Variants in HSD17B12 observed in about 807,000 individuals in gnomAD.
HSD17B12 encodes the protein very-long-chain 3-oxoacyl-CoA reductase.
Under a neutral mutation model 39.3 loss-of-function variants are expected in HSD17B12, and 32 were observed. The ratio of observed to expected loss-of-function variants is 0.81; its 90% CI spans 0.61 to 1.09. The LOEUF (loss-of-function observed/expected upper bound fraction) is 1.09, where lower values mean the gene tolerates loss of function less well. HSD17B12 is among the 50% of genes least tolerant of loss of function. HSD17B12 has a pLI of 0.00. For missense variants in HSD17B12, 342 were observed against 382.9 expected, an observed-to-expected ratio of 0.89 and a Z score of 0.89; for synonymous variants, 150 against 146.7, an observed-to-expected ratio of 1.02 and a Z score of -0.16.
intron 3 of HSD17B12, among the ~76,000 whole-genome samples, chr11:43,773,341 G>A (rs1053956580): frequency 2.0e-5 from 3 of 152,074 alleles, no homozygotes; most frequent in African/African-American, 4.8e-5. Flanking sequence ...ACTCCTGGGC[G>A]CAAGCAGGTC....
chr11:43,812,289 C>G (rs957795518), intron 4 of HSD17B12, among the ~76,000 whole-genome samples: 1 of 152,114 alleles, frequency 6.6e-6, no homozygotes, highest in Non-Finnish European at 1.5e-5. Context: ...TTTTGAGAAA[C>G]CTCCATACTG....
chr11:43,696,879 G>A (rs1039434649), intron 1 of HSD17B12, among the ~76,000 whole-genome samples: 1 of 152,106 alleles, frequency 6.6e-6, no homozygotes, highest in African/African-American at 2.4e-5. Flanking sequence ...GATGAAACTG[G>A]AAGTCATCAT....
the HSD17B12 span, among the ~76,000 whole-genome samples, chr11:43,630,905 A>G: frequency 6.6e-6 from 1 of 151,714 alleles, no homozygotes; most frequent in Non-Finnish European, 1.5e-5. Context: ...CCCAGGTTCA[A>G]GCAATTCTCC....
At chr11:43,803,736 CTA>C (rs1456273210) in intron 4 of HSD17B12, among the ~76,000 whole-genome samples, 1 of 152,074 alleles carries the variant, frequency 6.6e-6, no homozygotes, top group Non-Finnish European at 1.5e-5. Flanking sequence ...CTTGATGAGA[CTA>C]TAAATGCTTA....
intron 1 of HSD17B12, among the ~76,000 whole-genome samples, chr11:43,706,005 A>G (rs1565056281): frequency 2.0e-5 from 3 of 152,102 alleles, no homozygotes; most frequent in African/African-American, 4.8e-5. Flanking sequence ...TAAAATAGAA[A>G]TGGTGGGGAA....
At chr11:43,803,238 A>T in intron 4 of HSD17B12, among the ~76,000 whole-genome samples, 1 of 152,074 alleles carries the variant, frequency 6.6e-6, no homozygotes, top group Non-Finnish European at 1.5e-5. Context: ...GGGAGGTCTG[A>T]TGTGTATATG....
At chr11:43,687,699 G>C (rs751194602) in intron 1 of HSD17B12, among the ~76,000 whole-genome samples, 1 of 152,238 alleles carries the variant, frequency 6.6e-6, no homozygotes, top group Non-Finnish European at 1.5e-5. Flanking sequence ...GGCAAGAAGG[G>C]CAATGAGCAG....
the HSD17B12 span, among the ~76,000 whole-genome samples, chr11:43,610,038 G>A: frequency 1.1e-4 from 17 of 152,154 alleles, no homozygotes; most frequent in Non-Finnish European, 1.8e-4. Context: ...GGGGCGTCAC[G>A]TTTTCTAATA....
the HSD17B12 span, among the ~76,000 whole-genome samples, chr11:43,636,761 T>G: frequency 2.0e-5 from 3 of 152,106 alleles, no homozygotes; most frequent in East Asian, 5.8e-4. Context: ...GATATTCTTT[T>G]TGTTTGTTTG....
At chr11:43,672,836 C>T in the HSD17B12 span, among the ~76,000 whole-genome samples, 1 of 152,220 alleles carries the variant, frequency 6.6e-6, no homozygotes, top group Non-Finnish European at 1.5e-5. Context: ...TCGCCGCACC[C>T]TGGCCAATAA....
chr11:43,606,202 G>C, the HSD17B12 span, among the ~76,000 whole-genome samples: 1 of 152,250 alleles, frequency 6.6e-6, no homozygotes, highest in Non-Finnish European at 1.5e-5. Flanking sequence ...AATCTACTTA[G>C]TGAAGTTCTT....
chr11:43,714,263 C>T (rs899986624), intron 1 of HSD17B12, among the ~76,000 whole-genome samples: 2 of 151,488 alleles, frequency 1.3e-5, no homozygotes, highest in African/African-American at 2.4e-5. Flanking sequence ...TTAGGTCTAA[C>T]ATTTAAGTCT....
chr11:43,583,809 GC>G, the HSD17B12 span, among the ~76,000 whole-genome samples: 1 of 152,114 alleles, frequency 6.6e-6, no homozygotes, highest in African/African-American at 2.4e-5. Context: ...ACCTCTGGAG[GC>G]CCTATAGGAG....
At chr11:43,587,304 C>G in the HSD17B12 span, among the ~76,000 whole-genome samples, 1 of 116,412 alleles carries the variant, frequency 8.6e-6, no homozygotes, top group Non-Finnish European at 1.8e-5. Flanking sequence ...GGACCTTGTC[C>G]CCAGCAAAAA....
chr11:43,661,810 T>C, the HSD17B12 span, among the ~76,000 whole-genome samples: 1 of 152,180 alleles, frequency 6.6e-6, no homozygotes, highest in Admixed American at 6.6e-5. Flanking sequence ...TATCAAGCCA[T>C]TAAAAGTTAT....
intron 2 of HSD17B12, among the ~76,000 whole-genome samples, chr11:43,753,815 G>A (rs1482074213): frequency 1.3e-5 from 2 of 152,144 alleles, no homozygotes; most frequent in East Asian, 1.9e-4. Context: ...AAAAGTAAAA[G>A]TCTCCCTCCT....
In HSD17B12 at chr11:43,840,133, T is replaced by C. The variant is rs994089444; in HGVS notation, c.684+69T>C. On this transcript the variant is annotated intron_variant, in intron 9 of 10. Transcript: ENST00000278353. The stretch of plus-strand genomic sequence containing the variant: ...GTTTCCAGAGCAACTGTTGCTGTCT[T>C]GGCAATAACAAAAAAAATCATATTC... The C allele has an allele frequency of 2.4e-6, 3 of 1,243,986 alleles. No individual in the cohort carries two copies. In the African/African-American group the frequency reaches 4.6e-5, roughly 19 times the overall value. The allele number at this position is 1,243,986 out of a possible 1,614,324, so 77.1% of individuals were successfully genotyped here. A position where few individuals can be genotyped will look rare whatever the true frequency, so the allele number is the denominator to read the frequency against.
rs571157470 is a variant in HSD17B12 at position 43,698,731 on chromosome 11, T to C, written c.160+17744T>C. On this transcript the variant is annotated intron_variant, in intron 1 of 10. Coordinates refer to ENST00000278353, the MANE Select transcript of HSD17B12 (RefSeq NM_016142.3). The stretch of plus-strand genomic sequence containing the variant: ...GCGTGGTAGAAAGTACAAAGCATTA[T>C]GCACATACAAGGCACTGGGCCTTTT... Among the ~76,000 whole-genome samples, 4 of 152,364 alleles carry C rather than the reference T, an allele frequency of 2.6e-5. No individual in the cohort carries two copies. In the South Asian group the frequency reaches 8.3e-4, roughly 32 times the overall value.
intron 1 of HSD17B12, among the ~76,000 whole-genome samples, chr11:43,684,410 T>C (rs1159953462): frequency 6.6e-6 from 1 of 152,220 alleles, no homozygotes; most frequent in Admixed American, 6.5e-5. Context: ...CAATAAAAAA[T>C]GTGATCTGTA....
Sources: gnomAD v4.1 joint callset for allele counts (sites outside exome capture counted in the v4.1 genomes callset) on GRCh38, gnomAD v4.1.1 for gene constraint, MANE v1.5 for transcripts, NCBI Gene and HGNC (gene_info 2026-07-23, HGNC 2026-07-21) for gene names.